Variants in ARHGAP36 observed in about 807,000 individuals in gnomAD.
ARHGAP36 encodes Rho GTPase activating protein 36, also known as rho GTPase-activating protein 36.
Under a neutral mutation model 32.9 loss-of-function variants are expected in ARHGAP36, and 7 were observed. The observed-to-expected ratio is 0.21, with a 90% confidence interval of 0.12 to 0.40. The LOEUF is 0.40. Ranked by LOEUF, ARHGAP36 falls within the 10% of genes least tolerant of loss-of-function variation. ARHGAP36 has a pLI of 1.00. For missense variants in ARHGAP36, 383 were observed against 442.2 expected (o/e 0.87, Z 1.20); for synonymous variants, 165 against 168.3 (o/e 0.98, Z 0.15).
intron 9 of ARHGAP36, 91 bp downstream of exon 9, chrX:131,086,180 C>T: frequency 8.9e-7 from 1 of 1,123,069 alleles, no homozygotes; most frequent in Non-Finnish European, 1.2e-6. Context: ...TGAGGGTAGC[C>T]AAAACAGGCA....
At chrX:131,080,397 T>TA (rs2079789159) in intron 1 of ARHGAP36, among the ~76,000 whole-genome samples, 1 of 58,074 alleles carries the variant, frequency 1.7e-5, no homozygotes, top group Admixed American at 1.5e-4. Context: ...TGTTAAATCT[T>TA]TAAAAAAAAA....
chrX:131,058,432 C>A lies in ARHGAP36; in HGVS notation c.-155C>A. ...CCTTTTCGCCTCGGCCTTTGAGCCC[C>A]GCCCCCGCCGTGGTGAGTGGGGCCC... On this transcript the variant is annotated 5_prime_UTR_variant, in exon 1 of 12. Coordinates refer to ENST00000276211, the MANE Select transcript of ARHGAP36 (RefSeq NM_144967.4). 9.3e-7 allele frequency: 1 copy of A among 1,078,698 alleles called. No individual in the cohort carries two copies. Among genetic ancestry groups the A allele is most frequent in the South Asian group, 2.6e-5 (1 of 39,093 alleles). The allele number at this position is 1,078,698 out of a possible 1,213,427, so 88.9% of individuals were successfully genotyped here.
intron 3 of ARHGAP36, 74 bp from the exon 4 acceptor site, chrX:131,083,660 C>G: frequency 9.6e-7 from 1 of 1,039,409 alleles, no homozygotes; most frequent in East Asian, 3.0e-5. Context: ...AGGAGTGCTA[C>G]AGCCCCTGCT....
In ARHGAP36 at chrX:131,088,780, C is replaced by T; in HGVS notation, c.1639C>T (p.Pro547Ser). The change falls in exon 12 of 12, where the codon CCT (proline) becomes TCT (serine). Residue 547 changes from proline (P) to serine (S), a missense_variant. Physicochemically the swap from Pro to Ser is moderately conservative, Grantham distance 74. Transcript: ENST00000276211. ...EAKTGVSYFF[P>S] is the part of the protein sequence containing the mutation. The stretch of plus-strand genomic sequence containing the variant: ...CAAAACTGGCGTCAGCTACTTCTTT[C>T]CTTAGATGTTTTTCCTTCTATAAGG... 2 of 1,204,572 alleles carry T rather than the reference C, an allele frequency of 1.7e-6. No homozygotes were observed. Among genetic ancestry groups the T allele is most frequent in the Non-Finnish European group, 2.2e-6 (2 of 892,892 alleles).
At position 131,084,068 on chromosome X, in the gene ARHGAP36, G is replaced by A. The variant is rs963713120; in HGVS notation, c.555+99G>A. On this transcript the variant is annotated intron_variant, in intron 4 of 11. Transcript: ENST00000276211. ...GGCCTGTGCCCTCAGAGGCAGGGGG[G>A]AGCTGAACACAATATGTTGAAGTGG... The A allele has an allele frequency of 2.2e-4, 233 of 1,059,162 alleles. 1 individual carries two copies. Among genetic ancestry groups the A allele is most frequent in the South Asian group, 2.3e-4 (11 of 46,947 alleles). The allele number at this position is 1,059,162 out of a possible 1,213,427, so 87.3% of individuals were successfully genotyped here. A position where few individuals can be genotyped will look rare whatever the true frequency, so the allele number is the denominator to read the frequency against.
At position 131,084,693 on chromosome X, in the gene ARHGAP36, A is replaced by T; in HGVS notation, c.804+12A>T. ...AGCGAGTGCGTCAGGTAAATTGGCT[A>T]TGTTTACATGTTTGTTCCTCCAATA... On this transcript the variant is annotated intron_variant, in intron 6 of 11. Coordinates refer to ENST00000276211, the MANE Select transcript of ARHGAP36 (RefSeq NM_144967.4). The T allele has an allele frequency of 8.3e-7, 1 of 1,210,281 alleles. No homozygotes were observed. The highest frequency in any genetic ancestry group is 3.0e-5 in the East Asian group (1 of 33,839).
At chrX:131,074,747 G>A (rs1216155104) in intron 1 of ARHGAP36, among the ~76,000 whole-genome samples, 2 of 111,483 alleles carry the variant, frequency 1.8e-5, no homozygotes, top group Non-Finnish European at 3.8e-5. Context: ...GAGATCCCAG[G>A]GCAGGAACAA....
At chrX:131,085,883 G>A (rs373059093) in intron 8 of ARHGAP36, 30 bp from the exon 9 acceptor site, 138 of 1,203,238 alleles carry the variant, frequency 1.1e-4, no homozygotes, top group African/African-American at 1.1e-3. Context: ...CTACCTCAGC[G>A]TCAATCACTT....
rs2079822955 is a variant in ARHGAP36, at chrX:131,084,371, G to A, written c.712G>A (p.Val238Ile). ...TCCGATTGCGAAACAAATCCCCCAG[G>A]TTGTTGAGGCTTGCTGCCAATTCAT... ...LNPIAKQIPQ[V>I]VEACCQFIEK... The change falls in exon 5 of 12, where the codon GTT becomes ATT. Residue 238 changes from valine (V) to isoleucine (I), a missense_variant. Val to Ile is a conservative substitution (Grantham distance 29). This residue lies in a region of ARHGAP36 where 227 missense variants were observed against 311.3 expected (regional missense o/e 0.73). Coordinates refer to ENST00000276211, the MANE Select transcript of ARHGAP36 (RefSeq NM_144967.4). The A allele has an allele frequency of 2.5e-6, 3 of 1,209,763 alleles. No homozygotes were observed. In the East Asian group the frequency reaches 8.9e-5, roughly 36 times the overall value.
At chrX:131,074,939 T>C (rs1370031667) in intron 1 of ARHGAP36, among the ~76,000 whole-genome samples, 1 of 112,615 alleles carries the variant, frequency 8.9e-6, no homozygotes, top group African/African-American at 3.2e-5. Context: ...GCCTTGCATC[T>C]CTGATCATGA....
chrX:131,058,579 T>G, intron 1 of ARHGAP36, 135 bp downstream of exon 1: 1 of 561,320 alleles, frequency 1.8e-6, no homozygotes, highest in Non-Finnish European at 2.5e-6. Flanking sequence ...TAGCTAATTG[T>G]TCCTGGCTCA....
At position 131,085,999 on chromosome X, in the gene ARHGAP36, G is replaced by A. The variant is rs760490325; in HGVS notation, c.1191G>A (p.Glu397=). 2.5e-6 allele frequency: 3 copies of A among 1,211,719 alleles called. No individual in the cohort carries two copies. The highest frequency in any genetic ancestry group is 3.4e-6 in the Non-Finnish European group (3 of 895,436). ...AAAAAGGAAAGTTTGGCAAGAGAGA[G>A]TCCAGGAAAACAAAGCTGGGGATTG... is the stretch of plus-strand genomic sequence containing the variant. ...LLKKGKFGKR[E]SRKTKLGIDH... Residue 397 remains glutamate (E), a synonymous_variant, in exon 9 of 12, where the codon GAG becomes GAA. Transcript: ENST00000276211.
intron 1 of ARHGAP36, among the ~76,000 whole-genome samples, chrX:131,072,790 C>G (rs966392588): frequency 8.9e-6 from 1 of 111,751 alleles, no homozygotes; most frequent in Non-Finnish European, 1.9e-5. Flanking sequence ...ATTCAGCAAA[C>G]AGGTATACGT....
intron 1 of ARHGAP36, among the ~76,000 whole-genome samples, chrX:131,065,434 G>C (rs1052916880): frequency 9.0e-6 from 1 of 111,517 alleles, no homozygotes; most frequent in Non-Finnish European, 1.9e-5. Context: ...CTCTGAGGAA[G>C]AGAGGCCTCA....
chrX:131,078,901 C>A, intron 1 of ARHGAP36: 1 of 309,370 alleles, frequency 3.2e-6, no homozygotes, highest in South Asian at 4.7e-5. Flanking sequence ...TAGGCTGACT[C>A]ATCTCTCAAA....
At chrX:131,079,555 G>GT (rs1398804207) in intron 1 of ARHGAP36, among the ~76,000 whole-genome samples, 16 of 58,394 alleles carry the variant, frequency 2.7e-4, no homozygotes, top group South Asian at 1.7e-3. Context: ...TTTGTTTTTT[G>GT]TTTTTTGTTT....
chrX:131,077,214 A>G (rs1176681811), intron 1 of ARHGAP36, among the ~76,000 whole-genome samples: 1 of 112,440 alleles, frequency 8.9e-6, no homozygotes, highest in Non-Finnish European at 1.9e-5. Context: ...TGATACATTA[A>G]TGGGGATGTC....
Position 131,088,672 on chromosome X carries a change from C to T in ARHGAP36, c.1531C>T (p.His511Tyr). 8.3e-7 allele frequency: 1 copy of T among 1,211,532 alleles called. No individual in the cohort carries two copies. ...TGTGCCTTCCGGCACTGCCCGTTCC[C>T]ATGACGATGAGGAAGGAGCGGGTAA... is the stretch of plus-strand genomic sequence containing the variant. ...PAVPSGTARS[H>Y]DDEEGAGNPP... The change falls in exon 12 of 12, where the codon CAT becomes TAT. Residue 511 changes from histidine to tyrosine, a missense_variant. Transcript: ENST00000276211.
chrX:131,077,727 G>T (rs2079770269), intron 1 of ARHGAP36, among the ~76,000 whole-genome samples: 1 of 95,427 alleles, frequency 1.0e-5, no homozygotes, highest in African/African-American at 4.2e-5. Context: ...CTTGATATCT[G>T]CTCATATTCT....
Sources: gnomAD v4.1 joint callset for allele counts (sites outside exome capture counted in the v4.1 genomes callset) on GRCh38, gnomAD v4.1.1 for gene constraint, gnomAD v4.1.1 regional missense constraint, MANE v1.5 for transcripts, NCBI Gene and HGNC (gene_info 2026-07-23, HGNC 2026-07-21) for gene names.